Variants in USP1 observed in about 807,000 individuals in gnomAD.
USP1 encodes the protein ubiquitin carboxyl-terminal hydrolase 1.
USP1 carries 18 observed loss-of-function variants against 72.2 expected under a neutral mutation model. The ratio of observed to expected loss-of-function variants is 0.25; its 90% CI spans 0.17 to 0.37. The LOEUF (loss-of-function observed/expected upper bound fraction) is 0.37. Among genes scored for constraint, USP1 ranks in the 10% least tolerant of loss-of-function variants. USP1 has a pLI of 1.00. For missense variants in USP1, 759 were observed against 884.9 expected (o/e 0.86, Z 1.81); for synonymous variants, 354 against 303.7 (o/e 1.17, Z -1.72).
chr1:62,440,009 A>G lies in USP1; in HGVS notation c.142A>G (p.Lys48Glu), dbSNP rs751502710. ...DFTDSQENEE[K>E]ASEYRASEID... ...CACAGATTCTCAAGAAAATGAAGAA[A>G]AAGCTTCTGAATATAGAGCATCTGA... The change falls in exon 2 of 9, where the codon AAA (lysine) becomes GAA (glutamate). Residue 48 changes from lysine to glutamate, a missense_variant. This residue lies in a region of USP1 where 86 missense variants were observed against 82.0 expected (regional missense o/e 1.05). Transcript: ENST00000339950. The G allele has an allele frequency of 4.0e-5, 62 of 1,547,388 alleles. No homozygotes were observed. Among genetic ancestry groups the G allele is most frequent in the Non-Finnish European group, 5.0e-5 (58 of 1,155,560 alleles).
rs1163761132 is a variant in USP1, at chr1:62,450,484, A to G, written c.1861A>G (p.Ile621Val). ...GNFVVDQMCE[I>V]GKPEPLNEEE... is the part of the protein sequence containing the mutation. ...TTTTGTGGTTGACCAAATGTGTGAA[A>G]TAGGTAAGCCAGAACCATTGAATGA... is the stretch of plus-strand genomic sequence containing the variant. Residue 621 changes from isoleucine (I) to valine (V), a missense_variant, in exon 9 of 9, where the codon ATA becomes GTA. By Grantham distance (29) the Ile-to-Val change is conservative (BLOSUM62 3). Around this residue, in one of 9 missense-constraint regions of USP1, gnomAD observed 159 missense variants for 140.9 expected, o/e 1.13. Coordinates refer to ENST00000339950, the MANE Select transcript of USP1 (RefSeq NM_003368.5). 1.2e-6 allele frequency: 2 copies of G among 1,614,008 alleles called. No individual in the cohort carries two copies. The highest frequency in any genetic ancestry group is 8.5e-7 in the Non-Finnish European group (1 of 1,180,030).
intron 3 of USP1, 31 bp downstream of exon 3, chr1:62,441,639 C>T (rs747875782): frequency 2.5e-6 from 4 of 1,591,678 alleles, no homozygotes; most frequent in Admixed American, 3.6e-5. Flanking sequence ...TATCATAAAG[C>T]TTTAGTAGGC....
chr1:62,448,729 C>T, intron 8 of USP1, 63 bp downstream of exon 8: 1 of 1,495,542 alleles, frequency 6.7e-7, no homozygotes, highest in Admixed American at 1.8e-5. Flanking sequence ...AAGTCTTGTT[C>T]AAAATGCTGT....
At chr1:62,447,788 T>C (rs970746947) in intron 7 of USP1, among the ~76,000 whole-genome samples, 6 of 151,776 alleles carry the variant, frequency 4.0e-5, no homozygotes, top group African/African-American at 9.7e-5. Flanking sequence ...CTACTGAGGG[T>C]TTTTTTTAAT....
chr1:62,442,409 CTCTGTTAGCGAGCTATTG>C (rs1276966210), intron 4 of USP1, 110 bp downstream of exon 4: 6 of 758,136 alleles, frequency 7.9e-6, no homozygotes, highest in African/African-American at 1.8e-5. Flanking sequence ...AAGATTATTT[CTCTGTTAGCGAGCTATTG>C]TCAGGCAATT....
Position 62,445,274 on chromosome 1 carries a change from A to C in USP1, c.1094A>C (p.Gln365Pro). 6.2e-7 allele frequency: 1 copy of C among 1,613,470 alleles called. No individual in the cohort carries two copies. The highest frequency in any genetic ancestry group is 8.5e-7 in the Non-Finnish European group (1 of 1,179,824). ...FCSLGKITTNQGVKGQSKENE... is the reference protein window; with the variant it reads ...FCSLGKITTNPGVKGQSKENE... ...AGTCTGGGAAAAATAACAACAAACCAAGGAGTCAAAGGACAATCTAAAGAA... is the reference window on the plus strand; with the variant it reads ...AGTCTGGGAAAAATAACAACAAACCCAGGAGTCAAAGGACAATCTAAAGAA... The change falls in exon 6 of 9, where the codon CAA becomes CCA. Residue 365 changes from glutamine (Q) to proline (P), a missense_variant. Around this residue, in one of 9 missense-constraint regions of USP1, gnomAD observed 245 missense variants for 240.7 expected, o/e 1.02. Transcript: ENST00000339950.
intron 2 of USP1, 147 bp from the exon 3 acceptor site, chr1:62,441,341 C>T (rs1571130890): frequency 2.1e-6 from 2 of 948,180 alleles, no homozygotes; most frequent in East Asian, 6.2e-5. Flanking sequence ...ATTTTTGAGC[C>T]TGTATTTCTT....
Position 62,445,094 on chromosome 1 carries a change from A to G in USP1, c.914A>G (p.Lys305Arg). The G allele has an allele frequency of 6.2e-7, 1 of 1,612,276 alleles. No homozygotes were observed. Among genetic ancestry groups the G allele is most frequent in the Non-Finnish European group, 8.5e-7 (1 of 1,179,634 alleles). Residue 305 changes from lysine (K) to arginine (R), a missense_variant, in exon 6 of 9, where the codon AAA becomes AGA. This residue lies in a region of USP1 where 245 missense variants were observed against 240.7 expected (regional missense o/e 1.02). Transcript: ENST00000339950. ...ENQRQTRSKR[K>R]ATSDTLESPP... The stretch of plus-strand genomic sequence containing the variant: ...CAGAGACAAACTAGATCAAAAAGAA[A>G]AGCTACAAGTGATACATTAGAGAGT...
chr1:62,450,940 CCTACTT>C lies in USP1; in HGVS notation c.2323_2328del (p.Ser775_Thr776del). On this transcript the variant is annotated inframe_deletion, in exon 9 of 9. Coordinates refer to ENST00000339950, the MANE Select transcript of USP1 (RefSeq NM_003368.5). ...GAATTCTCTTTCCCCTTCTACATCT[CCTACTT>C]CTACTCCTTACTTGCTATTTTATAA... 1 of 1,608,648 alleles carries C rather than the reference CCTACTT, an allele frequency of 6.2e-7. No homozygotes were observed. The highest frequency in any genetic ancestry group is 8.5e-7 in the Non-Finnish European group (1 of 1,178,558).
At chr1:62,443,002 TAAAA>T in intron 4 of USP1, among the ~76,000 whole-genome samples, 153 bp from the exon 5 acceptor site, 1 of 151,720 alleles carries the variant, frequency 6.6e-6, no homozygotes, top group African/African-American at 2.4e-5. Flanking sequence ...TGTCTCAAAA[TAAAA>T]AAATAAAAAA....
chr1:62,446,050 C>G (rs1645170650), intron 6 of USP1, among the ~76,000 whole-genome samples: 1 of 152,100 alleles, frequency 6.6e-6, no homozygotes, highest in Non-Finnish European at 1.5e-5. Context: ...GTACATTTCC[C>G]TTTATGCAGT....
In USP1 at chr1:62,450,943, A is replaced by ACTT; in HGVS notation, c.2323_2325dup (p.Ser775dup). Reference sequence around the variant, plus strand: ...TTCTCTTTCCCCTTCTACATCTCCTACTTCTACTCCTTACTTGCTATTTTA... The same window carrying ACTT: ...TTCTCTTTCCCCTTCTACATCTCCTACTTCTTCTACTCCTTACTTGCTATTTTA... On this transcript the variant is annotated inframe_insertion, in exon 9 of 9. Transcript: ENST00000339950. 6.2e-7 allele frequency: 1 copy of ACTT among 1,605,400 alleles called. No individual in the cohort carries two copies. Among genetic ancestry groups the ACTT allele is most frequent in the African/African-American group, 1.3e-5 (1 of 74,358 alleles).
intron 4 of USP1, among the ~76,000 whole-genome samples, chr1:62,442,621 TAC>T (rs1456575740): frequency 6.6e-6 from 1 of 152,162 alleles, no homozygotes; most frequent in Non-Finnish European, 1.5e-5. Context: ...AAAATTTAAA[TAC>T]AGTGTATTTA....
intron 2 of USP1, 151 bp from the exon 3 acceptor site, chr1:62,441,337 G>T (rs560397929): frequency 2.3e-6 from 2 of 884,660 alleles, no homozygotes; most frequent in Non-Finnish European, 1.6e-6. Flanking sequence ...AGCAATTTTT[G>T]AGCCTGTATT....
At position 62,450,663 on chromosome 1, in the gene USP1, A is replaced by G. The variant is rs150749746; in HGVS notation, c.2040A>G (p.Leu680=). 8 of 1,614,192 alleles carry G rather than the reference A, an allele frequency of 5.0e-6. No individual in the cohort carries two copies. In the African/African-American group the frequency reaches 9.3e-5, roughly 19 times the overall value. ...GGQKSKADYE[L]YNKASNPDKV... is the part of the protein sequence containing the mutation. Reference sequence around the variant, plus strand: ...AAAAGAGCAAAGCAGATTATGAGCTATACAACAAAGCCTCTAATCCTGATA... The same window carrying G: ...AAAAGAGCAAAGCAGATTATGAGCTGTACAACAAAGCCTCTAATCCTGATA... Residue 680 remains leucine (L), a synonymous_variant, in exon 9 of 9, where the codon CTA becomes CTG. Coordinates refer to ENST00000339950, the MANE Select transcript of USP1 (RefSeq NM_003368.5).
intron 7 of USP1, 113 bp from the exon 8 acceptor site, chr1:62,448,352 T>G: frequency 1.0e-6 from 1 of 994,458 alleles, no homozygotes; most frequent in Non-Finnish European, 1.5e-6. Flanking sequence ...CTTTAGTTAT[T>G]TAGGAATGGG....
chr1:62,450,582 G>A lies in USP1; in HGVS notation c.1959G>A (p.Gln653=), dbSNP rs1232516042. Residue 653 remains glutamine (Q), a synonymous_variant, in exon 9 of 9, where the codon CAG becomes CAA. Coordinates refer to ENST00000339950, the MANE Select transcript of USP1 (RefSeq NM_003368.5). ...EVSIRVGGNT[Q]PSKVLNKKNV... is the part of the protein sequence containing the mutation. ...CAATTAGAGTTGGTGGAAATACACA[G>A]CCAAGTAAAGTTTTGAACAAAAAAA... 2 of 1,613,848 alleles carry A rather than the reference G, an allele frequency of 1.2e-6. No homozygotes were observed. Among genetic ancestry groups the A allele is most frequent in the East Asian group, 4.5e-5 (2 of 44,888 alleles).
rs2149208595 is a variant in USP1 at position 62,450,529 on chromosome 1, G to A, written c.1906G>A (p.Val636Ile). ...GAATGAGGAGGAAGCAAGGGGTGTG[G>A]TTGAGAATTATAATGATGAAGAAGT... ...PLNEEEARGV[V>I]ENYNDEEVSI... Residue 636 changes from valine (V) to isoleucine (I), a missense_variant, in exon 9 of 9, where the codon GTT becomes ATT. By Grantham distance (29) the Val-to-Ile change is conservative. Transcript: ENST00000339950. 1 of 1,613,988 alleles carries A rather than the reference G, an allele frequency of 6.2e-7. No homozygotes were observed. The highest frequency in any genetic ancestry group is 2.2e-5 in the East Asian group (1 of 44,876).
Position 62,440,854 on chromosome 1 carries a change from TA to T in USP1, c.171-631del, listed in dbSNP as rs139472157. On this transcript the variant is annotated intron_variant, in intron 2 of 8. Transcript: ENST00000339950. ...TAAAGAAGTAAAAGAATAGTAAACT[TA>T]AAGCATTTGTGTTTTGAGATGGGGT... 3.8e-3 allele frequency among the ~76,000 whole-genome samples: 582 copies of T among 152,274 alleles called. 7 individuals are homozygous for T. Among genetic ancestry groups the T allele is most frequent in the African/African-American group, 0.013 (559 of 41,542 alleles).
Sources: gnomAD v4.1 joint callset for allele counts (sites outside exome capture counted in the v4.1 genomes callset) on GRCh38, gnomAD v4.1.1 for gene constraint, gnomAD v4.1.1 regional missense constraint, MANE v1.5 for transcripts, NCBI Gene and HGNC (gene_info 2026-07-23, HGNC 2026-07-21) for gene names.